WDR20: variants seen among roughly 807,000 people sequenced by gnomAD.
WDR20 encodes WD repeat domain 20.
In WDR20, 3 loss-of-function variants were observed where a neutral mutation model predicts 38.7. That is an observed-to-expected ratio of 0.08 (90% CI 0.04 to 0.20). The LOEUF (loss-of-function observed/expected upper bound fraction) is 0.20. Among genes scored for constraint, WDR20 ranks in the 10% least tolerant of loss-of-function variants. The probability of loss-of-function intolerance (pLI) is 1.00; values close to 1 mark genes in which losing one functional copy is unlikely to be tolerated. For synonymous variants in WDR20, 298 were observed against 285.6 expected (o/e 1.04, Z -0.44); for missense variants, 559 against 727.7 (o/e 0.77, Z 2.67).
intron 1 of WDR20, among the ~76,000 whole-genome samples, chr14:102,149,721 T>G (rs2055042507): frequency 6.6e-6 from 1 of 152,198 alleles, no homozygotes; most frequent in Non-Finnish European, 1.5e-5. Context: ...TGAGACGGAG[T>G]CTCACTCTGT....
chr14:102,176,159 C>T (rs2152850973), intron 1 of WDR20, among the ~76,000 whole-genome samples: 1 of 152,220 alleles, frequency 6.6e-6, no homozygotes, highest in East Asian at 1.9e-4. Context: ...CTTTGGGAGG[C>T]CGAGGTGGGC....
chr14:102,197,620 GAT>G, intron 2 of WDR20: 1 of 598,098 alleles, frequency 1.7e-6, no homozygotes, highest in Non-Finnish European at 3.0e-6. Flanking sequence ...AAGCTGGAAA[GAT>G]AAATTGGAAC....
upstream of WDR20, chr14:102,139,646 C>A (rs543808045): frequency 2.8e-5 from 18 of 644,548 alleles, no homozygotes; most frequent in South Asian, 1.0e-4. Context: ...CTGAAGCCGG[C>A]ATCACCTGGG....
At chr14:102,170,764 A>G (rs940982415) in intron 1 of WDR20, among the ~76,000 whole-genome samples, 1 of 152,026 alleles carries the variant, frequency 6.6e-6, no homozygotes, top group Non-Finnish European at 1.5e-5. Context: ...AGCAGCTGAG[A>G]CTATAGGCAT....
At chr14:102,161,921 T>A (rs955737338) in intron 1 of WDR20, among the ~76,000 whole-genome samples, 14 of 152,200 alleles carry the variant, frequency 9.2e-5, no homozygotes, top group African/African-American at 3.4e-4. Flanking sequence ...TTTGACTTGT[T>A]GTTCCAAATT....
chr14:102,206,019 G>C (rs1164790398), intron 2 of WDR20, among the ~76,000 whole-genome samples: 1 of 152,046 alleles, frequency 6.6e-6, no homozygotes, highest in Non-Finnish European at 1.5e-5. Context: ...GTCTGACTTT[G>C]TCGCCCAGGC....
downstream of WDR20, chr14:102,213,310 C>T (rs554340751): frequency 7.1e-6 from 7 of 985,466 alleles, no homozygotes; most frequent in African/African-American, 1.0e-4. Context: ...AAAGCAAATG[C>T]ATGTGCAGGA....
At chr14:102,197,204 A>G (rs1048672909) in intron 2 of WDR20, among the ~76,000 whole-genome samples, 2 of 152,198 alleles carry the variant, frequency 1.3e-5, no homozygotes, top group Middle Eastern at 3.2e-3. Context: ...CAAGTTGATG[A>G]TAGAGTTGGA....
downstream of WDR20, chr14:102,212,720 T>C (rs1328954352): frequency 4.7e-6 from 7 of 1,476,248 alleles, no homozygotes; most frequent in African/African-American, 1.4e-5. Flanking sequence ...GTTCCTGATA[T>C]CAGGTGTGTA....
chr14:102,175,799 A>AT (rs1000957857), intron 1 of WDR20, among the ~76,000 whole-genome samples: 2 of 151,806 alleles, frequency 1.3e-5, no homozygotes, highest in Non-Finnish European at 2.9e-5. Flanking sequence ...ATTTTATTTT[A>AT]TTTTTTTGCA....
In WDR20 at chr14:102,221,778, T is replaced by C. The variant is rs1435636744; in HGVS notation, c.1693-1052T>C. Among the ~76,000 whole-genome samples the C allele has an allele frequency of 6.6e-6, 1 of 152,172 alleles. No individual in the cohort carries two copies. The highest frequency in any genetic ancestry group is 1.5e-5 in the Non-Finnish European group (1 of 68,038). On this transcript the variant is annotated intron_variant, in intron 3 of 3. Transcript: ENST00000335263. The surrounding 1 kb of genome is among the most constrained non-coding windows in gnomAD (Gnocchi z 4.8). ...TCACCTTCATTTGTGTCCACACAAG[T>C]CCAATATGTGAGAAGGTAGCAATGT... is the stretch of plus-strand genomic sequence containing the variant.
chr14:102,176,647 G>A (rs2062176318), intron 1 of WDR20, among the ~76,000 whole-genome samples: 1 of 151,530 alleles, frequency 6.6e-6, no homozygotes, highest in African/African-American at 2.4e-5. Context: ...TTCTGGTTTT[G>A]GGTATTAGGG....
intron 1 of WDR20, among the ~76,000 whole-genome samples, chr14:102,175,782 C>G (rs1289087284): frequency 2.0e-5 from 3 of 152,032 alleles, no homozygotes; most frequent in Non-Finnish European, 4.4e-5. Context: ...TAGATATATT[C>G]CTAAGTATTT....
At chr14:102,201,713 A>T (rs1322261261) in intron 2 of WDR20, among the ~76,000 whole-genome samples, 2 of 151,958 alleles carry the variant, frequency 1.3e-5, no homozygotes, top group Non-Finnish European at 1.5e-5. Context: ...ATGTGTCTGT[A>T]TTTCGTTTTG....
chr14:102,224,187 G>T (rs1017244200), downstream of WDR20, among the ~76,000 whole-genome samples: 2 of 151,748 alleles, frequency 1.3e-5, no homozygotes, highest in Non-Finnish European at 2.9e-5. Context: ...GACTACAGGC[G>T]CCCGCCACCA....
intron 1 of WDR20, among the ~76,000 whole-genome samples, chr14:102,153,150 C>T (rs1012662756): frequency 3.9e-5 from 6 of 152,072 alleles, no homozygotes; most frequent in African/African-American, 1.4e-4. Flanking sequence ...ACTTCCTTGT[C>T]TCCCTCTTGC....
chr14:102,161,142 A>AT lies in WDR20; in HGVS notation c.249+20996dup, dbSNP rs1233679287. On this transcript the variant is annotated intron_variant, in intron 1 of 2. Transcript: ENST00000342702. ...ACTGCATATATATATATATATATAT[A>AT]TTTTTTTTTTTTTTTTTTTTTTTTT... Among the ~76,000 whole-genome samples, 84 of 16,042 alleles carry AT rather than the reference A, an allele frequency of 5.2e-3. 7 individuals are homozygous for AT. The highest frequency in any genetic ancestry group is 0.014 in the African/African-American group (45 of 3,126). The allele number at this position is 16,042 out of a possible 152,430, so 10.5% of individuals were successfully genotyped here. A position where few individuals can be genotyped will look rare whatever the true frequency, so the allele number is the denominator to read the frequency against.
intron 1 of WDR20, among the ~76,000 whole-genome samples, chr14:102,159,351 A>G (rs1315050504): frequency 1.3e-5 from 2 of 152,106 alleles, no homozygotes; most frequent in Admixed American, 1.3e-4. Flanking sequence ...CAGCCCTCAA[A>G]GTGTGATCCA....
chr14:102,173,276 C>T (rs2061347281), intron 1 of WDR20, among the ~76,000 whole-genome samples: 1 of 150,900 alleles, frequency 6.6e-6, no homozygotes, highest in East Asian at 1.9e-4. Flanking sequence ...CCATGCCTGG[C>T]CAGTTTTTTG....
Sources: gnomAD v4.1 joint callset for allele counts (sites outside exome capture counted in the v4.1 genomes callset) on GRCh38, gnomAD v4.1.1 for gene constraint, Gnocchi (gnomAD v3.1) non-coding constraint, MANE v1.5 for transcripts, NCBI Gene and HGNC (gene_info 2026-07-23, HGNC 2026-07-21) for gene names.